Variants in CNTLN observed in about 807,000 individuals in gnomAD.
CNTLN encodes the protein centlein, centrosomal protein.
In CNTLN, 212 loss-of-function variants were observed where a neutral mutation model predicts 180.0. The observed-to-expected ratio is 1.18, with a 90% CI of 1.05 to 1.32. The LOEUF is 1.32. Among genes scored for constraint, CNTLN ranks in the 40% most tolerant of loss-of-function variants. The pLI is 0.00. For synonymous variants in CNTLN, 722 were observed against 563.1 expected, an observed-to-expected ratio of 1.28 and a Z score of -3.99; for missense variants, 2,095 against 1,610.9, an observed-to-expected ratio of 1.30 and a Z score of -5.14.
chr9:17,418,166 T>G (rs1828411931), intron 18 of CNTLN, among the ~76,000 whole-genome samples: 1 of 151,942 alleles, frequency 6.6e-6, no homozygotes, highest in South Asian at 2.1e-4. Flanking sequence ...TCCAAGAACA[T>G]CTAATATTCA....
At chr9:17,429,205 C>A (rs1399723526) in intron 18 of CNTLN, among the ~76,000 whole-genome samples, 1 of 152,030 alleles carries the variant, frequency 6.6e-6, no homozygotes, top group African/African-American at 2.4e-5. Context: ...ATAGTAGCAA[C>A]ACCCTATTTA....
chr9:17,301,825 G>T (rs573490556), intron 7 of CNTLN: 12 of 980,722 alleles, frequency 1.2e-5, no homozygotes, highest in African/African-American at 1.8e-5. Flanking sequence ...CCATCTCCCA[G>T]AGGCAAATAC....
intron 13 of CNTLN, among the ~76,000 whole-genome samples, chr9:17,386,134 G>C (rs1245583212): frequency 6.6e-6 from 1 of 151,470 alleles, no homozygotes; most frequent in African/African-American, 2.4e-5. Context: ...AAAAAACAAT[G>C]ATAATAGATT....
chr9:17,445,341 A>G (rs1830342416), intron 18 of CNTLN, among the ~76,000 whole-genome samples: 1 of 152,164 alleles, frequency 6.6e-6, no homozygotes. Flanking sequence ...AACGAGAGAC[A>G]TACAGTTAAC....
At chr9:17,283,258 T>A (rs1455411472) in intron 6 of CNTLN, among the ~76,000 whole-genome samples, 2 of 152,184 alleles carry the variant, frequency 1.3e-5, no homozygotes, top group Non-Finnish European at 2.9e-5. Context: ...CCCTCTCTTA[T>A]TTCTTTGAGC....
At chr9:17,240,756 C>G (rs941326013) in intron 5 of CNTLN, among the ~76,000 whole-genome samples, 1 of 152,092 alleles carries the variant, frequency 6.6e-6, no homozygotes, top group Non-Finnish European at 1.5e-5. Context: ...TTGATATGAT[C>G]CCATGTGTAC....
intron 25 of CNTLN, among the ~76,000 whole-genome samples, chr9:17,492,608 G>C (rs1426051273): frequency 6.6e-6 from 1 of 152,150 alleles, no homozygotes; most frequent in African/African-American, 2.4e-5. Context: ...AGGAGGCAGA[G>C]AAAATTGTAC....
At chr9:17,451,578 G>A (rs1830779772) in intron 18 of CNTLN, among the ~76,000 whole-genome samples, 1 of 152,036 alleles carries the variant, frequency 6.6e-6, no homozygotes, top group Non-Finnish European at 1.5e-5. Flanking sequence ...GTTATAGATG[G>A]GAACTAAGCC....
chr9:17,250,577 A>T (rs1259218137), intron 5 of CNTLN, among the ~76,000 whole-genome samples: 1 of 152,080 alleles, frequency 6.6e-6, no homozygotes, highest in African/African-American at 2.4e-5. Flanking sequence ...ATAAAATTTG[A>T]ATTGATACAA....
At chr9:17,205,576 C>T (rs567487927) in intron 2 of CNTLN, among the ~76,000 whole-genome samples, 20 of 152,242 alleles carry the variant, frequency 1.3e-4, no homozygotes, top group Middle Eastern at 3.4e-3. Flanking sequence ...ATGAAGGAAG[C>T]GGTGGGAGCA....
At chr9:17,364,561 A>G (rs1018576519) in intron 12 of CNTLN, among the ~76,000 whole-genome samples, 2 of 152,178 alleles carry the variant, frequency 1.3e-5, no homozygotes, top group African/African-American at 4.8e-5. Context: ...AAAAACTCTA[A>G]TGGTGAAAGT....
Position 17,309,055 on chromosome 9 carries a change from C to G in CNTLN, c.1147-3C>G. On this transcript the variant is annotated splice_region_variant and splice_polypyrimidine_tract_variant and intron_variant, in intron 7 of 25. Coordinates refer to ENST00000380647, the MANE Select transcript of CNTLN (RefSeq NM_017738.4). Reference sequence around the variant, plus strand: ...TATAATTTGGATATATTTTTTGAAACAGCTTTACAATGAGTTACATATTTG... The same window carrying G: ...TATAATTTGGATATATTTTTTGAAAGAGCTTTACAATGAGTTACATATTTG... 1.3e-6 allele frequency: 2 copies of G among 1,557,248 alleles called. No homozygotes were observed. Among genetic ancestry groups the G allele is most frequent in the Non-Finnish European group, 1.7e-6 (2 of 1,156,996 alleles).
At chr9:17,390,235 CTTT>C (rs35329298) in intron 14 of CNTLN, among the ~76,000 whole-genome samples, 3 of 77,396 alleles carry the variant, frequency 3.9e-5, no homozygotes, top group African/African-American at 4.9e-5. Context: ...AAAAGAGCCT[CTTT>C]TTTTTTTTTT....
chr9:17,407,024 A>C (rs1827446442), intron 15 of CNTLN, among the ~76,000 whole-genome samples: 1 of 149,520 alleles, frequency 6.7e-6, no homozygotes, highest in Non-Finnish European at 1.5e-5. Flanking sequence ...GGAATAGAAC[A>C]TAAAAAGAGG....
At chr9:17,464,733 T>A in intron 21 of CNTLN, 110 bp downstream of exon 21, 1 of 646,198 alleles carries the variant, frequency 1.5e-6, no homozygotes, top group Non-Finnish European at 2.5e-6. Context: ...TGATAGGATA[T>A]GTATTTACTG....
intron 2 of CNTLN, among the ~76,000 whole-genome samples, chr9:17,215,935 C>T (rs1197380523): frequency 6.6e-6 from 1 of 152,098 alleles, no homozygotes; most frequent in Non-Finnish European, 1.5e-5. Context: ...ACCTGATTTT[C>T]CAGGTGCTGG....
At chr9:17,268,548 C>G (rs1827681657) in intron 5 of CNTLN, among the ~76,000 whole-genome samples, 3 of 152,172 alleles carry the variant, frequency 2.0e-5, no homozygotes, top group Admixed American at 6.5e-5. Context: ...GCTGCGAGAA[C>G]CACTACTCTC....
At chr9:17,251,612 T>C (rs1293553079) in intron 5 of CNTLN, among the ~76,000 whole-genome samples, 1 of 151,900 alleles carries the variant, frequency 6.6e-6, no homozygotes, top group Non-Finnish European at 1.5e-5. Context: ...TCCCTTTCAT[T>C]GATATGTAAT....
intron 2 of CNTLN, among the ~76,000 whole-genome samples, chr9:17,152,937 T>C (rs1248905526): frequency 6.6e-6 from 1 of 152,216 alleles, no homozygotes; most frequent in African/African-American, 2.4e-5. Flanking sequence ...CTTTTGATCT[T>C]TGTTGGTTTA....
Sources: gnomAD v4.1 joint callset for allele counts (sites outside exome capture counted in the v4.1 genomes callset) on GRCh38, gnomAD v4.1.1 for gene constraint, MANE v1.5 for transcripts, NCBI Gene and HGNC (gene_info 2026-07-23, HGNC 2026-07-21) for gene names.